Variants in SNTB1 observed in about 807,000 individuals in gnomAD.
SNTB1 encodes syntrophin beta 1, also known as beta-1-syntrophin.
Under a neutral mutation model 48.9 loss-of-function variants are expected in SNTB1, and 36 were observed. The ratio of observed to expected loss-of-function variants is 0.74; its 90% CI spans 0.56 to 0.97. SNTB1 has a LOEUF of 0.97. Among genes scored for constraint, SNTB1 ranks in the 50% least tolerant of loss-of-function variants. The probability of loss-of-function intolerance (pLI) is 0.00; values close to 1 mark genes in which losing one functional copy is unlikely to be tolerated. For synonymous variants in SNTB1, 299 were observed against 294.6 expected (o/e 1.01, Z -0.15); for missense variants, 786 against 703.4 (o/e 1.12, Z -1.33).
At chr8:120,711,953 C>T (rs975762353) in intron 1 of SNTB1, among the ~76,000 whole-genome samples, 2 of 152,154 alleles carry the variant, frequency 1.3e-5, no homozygotes, top group Admixed American at 1.3e-4. Context: ...AGTCCACCCA[C>T]ATTATACACA....
intron 2 of SNTB1, among the ~76,000 whole-genome samples, chr8:120,648,966 T>C (rs1348742344): frequency 3.3e-5 from 5 of 151,000 alleles, no homozygotes; most frequent in Admixed American, 2.0e-4. Flanking sequence ...CATCGGCTCC[T>C]GAGGCTTCTG....
At chr8:120,773,610 A>G (rs1232500918) in intron 1 of SNTB1, among the ~76,000 whole-genome samples, 1 of 152,200 alleles carries the variant, frequency 6.6e-6, no homozygotes, top group Non-Finnish European at 1.5e-5. Context: ...GTTAATAGGG[A>G]AAAAAATGTG....
intron 1 of SNTB1, among the ~76,000 whole-genome samples, chr8:120,735,011 G>C (rs1413622472): frequency 6.6e-6 from 1 of 152,140 alleles, no homozygotes; most frequent in Non-Finnish European, 1.5e-5. Context: ...GAATGAGTCA[G>C]GAAAAGCAGT....
chr8:120,673,313 C>G (rs565302154), intron 2 of SNTB1, among the ~76,000 whole-genome samples: 4 of 149,372 alleles, frequency 2.7e-5, no homozygotes, highest in African/African-American at 9.9e-5. Flanking sequence ...TTTTTTGAGA[C>G]CAAATCTCAC....
At chr8:120,800,604 C>T (rs1009006805) in intron 1 of SNTB1, among the ~76,000 whole-genome samples, 1 of 151,940 alleles carries the variant, frequency 6.6e-6, no homozygotes, top group Non-Finnish European at 1.5e-5. Flanking sequence ...AGTAGCAGCG[C>T]TCCAGGAAAA....
At chr8:120,798,192 C>T (rs1324869709) in intron 1 of SNTB1, among the ~76,000 whole-genome samples, 1 of 151,958 alleles carries the variant, frequency 6.6e-6, no homozygotes, top group Non-Finnish European at 1.5e-5. Flanking sequence ...ATTAGAACCA[C>T]CTGGGGAACT....
intron 2 of SNTB1, among the ~76,000 whole-genome samples, chr8:120,691,932 A>C (rs1246314319): frequency 6.6e-6 from 1 of 152,162 alleles, no homozygotes; most frequent in Admixed American, 6.5e-5. Flanking sequence ...GTAAAAGCCC[A>C]GGGAAAAGGA....
chr8:120,569,897 C>T (rs1409308119), intron 4 of SNTB1, among the ~76,000 whole-genome samples: 2 of 152,172 alleles, frequency 1.3e-5, no homozygotes, highest in Non-Finnish European at 2.9e-5. Context: ...CTCTCAAGAC[C>T]CCTGTAAGGT....
At chr8:120,731,582 C>T (rs1407086286) in intron 1 of SNTB1, among the ~76,000 whole-genome samples, 2 of 152,224 alleles carry the variant, frequency 1.3e-5, no homozygotes, top group African/African-American at 4.8e-5. Flanking sequence ...GCTCCCCTGC[C>T]TTGCCCAGAG....
intron 1 of SNTB1, among the ~76,000 whole-genome samples, chr8:120,782,814 C>T (rs1819852379): frequency 6.6e-6 from 1 of 152,150 alleles, no homozygotes; most frequent in African/African-American, 2.4e-5. Context: ...GGAAAACACA[C>T]ATGAAAATTT....
chr8:120,758,487 T>C (rs1819356982), intron 1 of SNTB1, among the ~76,000 whole-genome samples: 1 of 152,208 alleles, frequency 6.6e-6, no homozygotes, highest in South Asian at 2.1e-4. Flanking sequence ...TCATGTTCCT[T>C]ATTTGTGCTT....
intron 4 of SNTB1, among the ~76,000 whole-genome samples, chr8:120,550,523 C>A (rs564729863): frequency 1.4e-4 from 18 of 128,506 alleles, no homozygotes; most frequent in Non-Finnish European, 3.2e-5. Context: ...GCCTGGGCAA[C>A]AGTGCGAGAC....
intron 3 of SNTB1, among the ~76,000 whole-genome samples, chr8:120,596,064 C>T (rs1473047940): frequency 6.6e-6 from 1 of 152,148 alleles, no homozygotes; most frequent in East Asian, 1.9e-4. Context: ...ATGCCCCTGC[C>T]CATGTTCAAT....
chr8:120,670,319 A>T (rs1303371603), intron 2 of SNTB1, among the ~76,000 whole-genome samples: 1 of 152,226 alleles, frequency 6.6e-6, no homozygotes, highest in Non-Finnish European at 1.5e-5. Context: ...AGAAAGGGCT[A>T]GCTCAAACCC....
At chr8:120,590,498 G>A (rs1816221162) in intron 3 of SNTB1, among the ~76,000 whole-genome samples, 1 of 152,094 alleles carries the variant, frequency 6.6e-6, no homozygotes, top group South Asian at 2.1e-4. Flanking sequence ...TTGCAAGAAT[G>A]TGTGTTGTAA....
At chr8:120,550,428 G>T (rs573634856) in intron 4 of SNTB1, among the ~76,000 whole-genome samples, 1 of 151,870 alleles carries the variant, frequency 6.6e-6, no homozygotes, top group East Asian at 1.9e-4. Flanking sequence ...TGTAGTCCCA[G>T]CTACTCGGCA....
intron 2 of SNTB1, among the ~76,000 whole-genome samples, chr8:120,666,226 C>A (rs1193961643): frequency 6.6e-6 from 1 of 152,184 alleles, no homozygotes; most frequent in African/African-American, 2.4e-5. Context: ...TTTCTCTCTG[C>A]CTGAAGTCTT....
At chr8:120,776,917 T>G (rs1372071057) in intron 1 of SNTB1, 1 of 152,210 alleles carries the variant, frequency 6.6e-6, no homozygotes, top group African/African-American at 2.4e-5. Flanking sequence ...TTCCCCTCTA[T>G]GGTTGGCCAG....
intron 1 of SNTB1, among the ~76,000 whole-genome samples, chr8:120,747,389 C>T (rs1320405097): frequency 6.6e-6 from 1 of 152,190 alleles, no homozygotes; most frequent in Non-Finnish European, 1.5e-5. Context: ...CTCCAGGGTT[C>T]AAGCGACTCT....
Sources: gnomAD v4.1 joint callset for allele counts (sites outside exome capture counted in the v4.1 genomes callset) on GRCh38, gnomAD v4.1.1 for gene constraint, MANE v1.5 for transcripts, NCBI Gene and HGNC (gene_info 2026-07-23, HGNC 2026-07-21) for gene names.